Variants in PLAC1 observed in about 807,000 individuals in gnomAD.
The protein encoded by PLAC1 is placenta associated 1.
For synonymous variants in PLAC1, 68 were observed against 62.1 expected, an observed-to-expected ratio of 1.09 and a Z score of -0.44; for missense variants, 136 against 163.2, an observed-to-expected ratio of 0.83 and a Z score of 0.91.
upstream of PLAC1, among the ~76,000 whole-genome samples, chrX:134,660,315 A>G (rs2078411949): frequency 9.0e-6 from 1 of 111,468 alleles, no homozygotes; most frequent in South Asian, 3.8e-4. Flanking sequence ...CATGTTGGCC[A>G]GGCTGGTCTT....
intron 2 of PLAC1, among the ~76,000 whole-genome samples, chrX:134,697,476 C>T (rs187084522): frequency 2.7e-5 from 3 of 112,413 alleles, no homozygotes; most frequent in Non-Finnish European, 5.6e-5. Flanking sequence ...TTCGTTCATT[C>T]ATTCATTTAT....
intron 2 of PLAC1, among the ~76,000 whole-genome samples, chrX:134,589,308 C>T (rs2078022774): frequency 9.0e-6 from 1 of 111,453 alleles, no homozygotes; most frequent in African/African-American, 3.3e-5. Context: ...GTTCCATCAA[C>T]CCCTGGGCTC....
chrX:134,719,322 G>A (rs559047766), intron 2 of PLAC1, among the ~76,000 whole-genome samples: 1 of 111,851 alleles, frequency 8.9e-6, no homozygotes, highest in East Asian at 2.8e-4. Context: ...AATGAATTAC[G>A]CACAATGACC....
chrX:134,705,416 CAA>C (rs756637363), intron 2 of PLAC1, among the ~76,000 whole-genome samples: 4 of 28,983 alleles, frequency 1.4e-4, no homozygotes, highest in African/African-American at 3.3e-4. Context: ...GACTCCGTCT[CAA>C]AAAAAAAAAA....
intron 1 of PLAC1, among the ~76,000 whole-genome samples, chrX:134,752,068 T>C (rs1388570918): frequency 2.7e-5 from 3 of 111,804 alleles, no homozygotes; most frequent in Non-Finnish European, 5.6e-5. Context: ...TTTCTGGGCT[T>C]GTGAAGAGTT....
At chrX:134,713,189 T>C (rs960627813) in intron 2 of PLAC1, among the ~76,000 whole-genome samples, 2 of 111,480 alleles carry the variant, frequency 1.8e-5, no homozygotes, top group Non-Finnish European at 3.8e-5. Flanking sequence ...AGTTTGTTGA[T>C]GGATTGAATA....
chrX:134,625,807 C>T (rs1300940704), intron 1 of PLAC1, among the ~76,000 whole-genome samples: 1 of 110,521 alleles, frequency 9.0e-6, no homozygotes, highest in Non-Finnish European at 1.9e-5. Context: ...GCAAGTGTCC[C>T]CTGCAGAAAG....
At chrX:134,582,112 A>C (rs1416816526) in intron 2 of PLAC1, among the ~76,000 whole-genome samples, 4 of 112,584 alleles carry the variant, frequency 3.6e-5, no homozygotes, top group Non-Finnish European at 7.5e-5. Context: ...TGGGGAGGGA[A>C]GTGAGGCATT....
At chrX:134,654,855 C>A (rs2078381755) in intron 1 of PLAC1, among the ~76,000 whole-genome samples, 1 of 112,350 alleles carries the variant, frequency 8.9e-6, no homozygotes, top group Admixed American at 9.4e-5. Flanking sequence ...TGATTGATAC[C>A]CACAGTATTC....
At chrX:134,643,426 A>G (rs996210365) in intron 1 of PLAC1, among the ~76,000 whole-genome samples, 1 of 111,981 alleles carries the variant, frequency 8.9e-6, no homozygotes. Context: ...TTCCAAAGCT[A>G]TCATAACACC....
intron 2 of PLAC1, among the ~76,000 whole-genome samples, chrX:134,702,561 C>T (rs1255145071): frequency 9.0e-6 from 1 of 111,509 alleles, no homozygotes; most frequent in East Asian, 2.8e-4. Context: ...TACATATGGA[C>T]ATAAAGATGG....
At chrX:134,621,381 G>A (rs1336534043) in intron 1 of PLAC1, among the ~76,000 whole-genome samples, 3 of 100,087 alleles carry the variant, frequency 3.0e-5, no homozygotes, top group Non-Finnish European at 6.0e-5. Flanking sequence ...GGGAGGTGGA[G>A]GTTGCCGCGA....
intron 2 of PLAC1, among the ~76,000 whole-genome samples, chrX:134,666,314 C>T (rs1264485999): frequency 9.0e-6 from 1 of 111,303 alleles, no homozygotes; most frequent in Non-Finnish European, 1.9e-5. Flanking sequence ...CACTTCCCAG[C>T]AAAAGCAGGA....
At chrX:134,695,448 G>A (rs1411700204) in intron 2 of PLAC1, among the ~76,000 whole-genome samples, 1 of 112,104 alleles carries the variant, frequency 8.9e-6, no homozygotes, top group Non-Finnish European at 1.9e-5. Flanking sequence ...TAAAGGCTGT[G>A]GAAATGGAGG....
chrX:134,578,444 A>AC (rs2077954944), intron 2 of PLAC1, among the ~76,000 whole-genome samples: 1 of 96,068 alleles, frequency 1.0e-5, no homozygotes, highest in African/African-American at 3.7e-5. Flanking sequence ...AGAAAAAAAA[A>AC]CTCAGAATGG....
At chrX:134,719,322 G>T (rs559047766) in intron 2 of PLAC1, among the ~76,000 whole-genome samples, 2 of 111,902 alleles carry the variant, frequency 1.8e-5, no homozygotes, top group South Asian at 3.7e-4. Context: ...AATGAATTAC[G>T]CACAATGACC....
intron 1 of PLAC1, among the ~76,000 whole-genome samples, chrX:134,734,486 C>T (rs967376861): frequency 8.9e-6 from 1 of 112,581 alleles, no homozygotes; most frequent in South Asian, 3.6e-4. Context: ...CAAGCCTAAT[C>T]TGCCCCCAAT....
At chrX:134,585,175 CAAAAAAAAAAAAA>C (rs56343935) in intron 2 of PLAC1, among the ~76,000 whole-genome samples, 2 of 33,484 alleles carry the variant, frequency 6.0e-5, no homozygotes, top group Non-Finnish European at 9.2e-5. Flanking sequence ...ACTAAAAGTA[CAAAAAAAAAAAAA>C]AAAAAAAAAA....
At chrX:134,659,053 G>A (rs1042378281), upstream of PLAC1, among the ~76,000 whole-genome samples, 1 of 110,397 alleles carries the variant, frequency 9.1e-6, no homozygotes, top group Non-Finnish European at 1.9e-5. Flanking sequence ...GTGGCCTCTT[G>A]GGGGGCTGTG....
Sources: gnomAD v4.1 joint callset for allele counts (sites outside exome capture counted in the v4.1 genomes callset) on GRCh38, gnomAD v4.1.1 for gene constraint, MANE v1.5 for transcripts, NCBI Gene and HGNC (gene_info 2026-07-23, HGNC 2026-07-21) for gene names.